YME1L1: variants seen among roughly 807,000 people sequenced by gnomAD.
The protein encoded by YME1L1 is ATP-dependent zinc metalloprotease YME1L1.
A neutral mutation model predicts 90.4 loss-of-function variants in YME1L1; 39 were observed. The observed-to-expected ratio is 0.43, with a 90% CI of 0.33 to 0.56. The LOEUF (loss-of-function observed/expected upper bound fraction) is 0.56. Ranked by LOEUF, YME1L1 falls within the 20% of genes least tolerant of loss-of-function variation. The probability of loss-of-function intolerance (pLI) is 0.03; values close to 1 mark genes in which losing one functional copy is unlikely to be tolerated. For synonymous variants in YME1L1, 284 were observed against 287.3 expected (o/e 0.99, Z 0.12); for missense variants, 617 against 868.4 (o/e 0.71, Z 3.64).
intron 1 of YME1L1, among the ~76,000 whole-genome samples, chr10:27,150,489 G>C (rs2057199341): frequency 6.6e-6 from 1 of 152,170 alleles, no homozygotes. Flanking sequence ...ATGAGATAGG[G>C]TGTGGGCACA....
chr10:27,127,745 G>A (rs2056935444), intron 8 of YME1L1, among the ~76,000 whole-genome samples: 1 of 152,056 alleles, frequency 6.6e-6, no homozygotes, highest in Non-Finnish European at 1.5e-5. Flanking sequence ...GGAGGTTCTG[G>A]GCTTCTGCTA....
chr10:27,147,945 A>C (rs1357868684), intron 2 of YME1L1, among the ~76,000 whole-genome samples: 1 of 152,098 alleles, frequency 6.6e-6, no homozygotes, highest in African/African-American at 2.4e-5. Context: ...CCCTGGCATG[A>C]CATCACAGCA....
intron 2 of YME1L1, chr10:27,147,460 T>G (rs756068108): frequency 1.9e-6 from 3 of 1,614,098 alleles, no homozygotes; most frequent in Non-Finnish European, 2.5e-6. Flanking sequence ...ACAAAACAAA[T>G]CATAGACAAT....
intron 9 of YME1L1, among the ~76,000 whole-genome samples, chr10:27,125,549 C>A (rs190543462): frequency 2.3e-4 from 35 of 150,234 alleles, no homozygotes; most frequent in Admixed American, 2.3e-3. Flanking sequence ...GGGATCAGGG[C>A]AACACTACAA....
rs1338191290 is a variant in YME1L1 at position 27,111,900 on chromosome 10, C to T, written c.*77G>A. 9.8e-6 allele frequency: 15 copies of T among 1,526,470 alleles called. No individual in the cohort carries two copies. Among genetic ancestry groups the T allele is most frequent in the African/African-American group, 2.7e-5 (2 of 73,138 alleles). The allele number at this position is 1,526,470 out of a possible 1,614,324, so 94.6% of individuals were successfully genotyped here. On this transcript the variant is annotated 3_prime_UTR_variant, in exon 19 of 19. Coordinates refer to ENST00000376016, the MANE Select transcript of YME1L1 (RefSeq NM_014263.4). Reference sequence around the variant, plus strand: ...CACCACATCAAGAATGAGGGGAAAGCGTTGTAAAAGTAGACTACTGCAATG... The same window carrying T: ...CACCACATCAAGAATGAGGGGAAAGTGTTGTAAAAGTAGACTACTGCAATG...
intron 3 of YME1L1, among the ~76,000 whole-genome samples, chr10:27,143,186 A>G (rs78678380): frequency 0.082 from 12,273 of 150,284 alleles, 698 homozygotes; most frequent in East Asian, 0.29. Context: ...CCTGAGCAAC[A>G]TGGAGAAACC....
chr10:27,125,447 T>C (rs1300265785), intron 9 of YME1L1, among the ~76,000 whole-genome samples: 1 of 133,416 alleles, frequency 7.5e-6, no homozygotes, highest in Non-Finnish European at 1.6e-5. Flanking sequence ...AATTGTTTCA[T>C]TGTTTCATTT....
intron 4 of YME1L1, among the ~76,000 whole-genome samples, chr10:27,138,953 T>C (rs554158247): frequency 1.3e-5 from 2 of 152,304 alleles, no homozygotes; most frequent in South Asian, 4.1e-4. Context: ...TTAAAATATA[T>C]CATGTCTTTT....
At chr10:27,131,643 T>TAC (rs1228378107) in intron 8 of YME1L1, among the ~76,000 whole-genome samples, 7 of 152,246 alleles carry the variant, frequency 4.6e-5, no homozygotes, top group African/African-American at 1.7e-4. Context: ...TTCACTCCAC[T>TAC]ACACCAGGCT....
chr10:27,123,631 C>T lies in YME1L1; in HGVS notation c.1018G>A (p.Asp340Asn). The T allele has an allele frequency of 6.2e-7, 1 of 1,613,904 alleles. No homozygotes were observed. Among genetic ancestry groups the T allele is most frequent in the Non-Finnish European group, 8.5e-7 (1 of 1,179,906 alleles). The stretch of plus-strand genomic sequence containing the variant: ...CCAGAAGCATAATAAAAAGGAACAT[C>T]AGCTTCTCCCGCCACAGCTCGGGCA... ...LLARAVAGEA[D>N]VPFYYASGSE... Residue 340 changes from aspartate (D) to asparagine (N), a missense_variant, in exon 10 of 19, where the codon GAT becomes AAT. Transcript: ENST00000376016.
At chr10:27,132,819 C>CA (rs1187612183) in intron 7 of YME1L1, among the ~76,000 whole-genome samples, 5 of 150,580 alleles carry the variant, frequency 3.3e-5, no homozygotes, top group South Asian at 4.2e-4. Context: ...GACTCCATCT[C>CA]AAAAAAAATA....
intron 12 of YME1L1, 89 bp downstream of exon 12, chr10:27,121,297 T>G: frequency 1.1e-6 from 1 of 892,328 alleles, no homozygotes; most frequent in South Asian, 1.3e-5. Context: ...AATCATACAG[T>G]GTTGATGTGA....
intron 11 of YME1L1, among the ~76,000 whole-genome samples, chr10:27,121,980 C>T (rs2056872576): frequency 1.3e-5 from 2 of 152,110 alleles, no homozygotes; most frequent in South Asian, 4.1e-4. Flanking sequence ...AAGCAATACA[C>T]CCGCCTCAGC....
At position 27,121,378 on chromosome 10, in the gene YME1L1, A is replaced by C. The variant is rs755100948; in HGVS notation, c.1298+8T>G. 2 of 1,595,324 alleles carry C rather than the reference A, an allele frequency of 1.3e-6. No individual in the cohort carries two copies. The highest frequency in any genetic ancestry group is 1.7e-5 in the Admixed American group (1 of 59,944). ...AGTACTTCACAAAAATCTTCTTTTA[A>C]TACTTACTTATCTAATGCCTCTGGG... On this transcript the variant is annotated splice_region_variant and intron_variant, in intron 12 of 18. Coordinates refer to ENST00000376016, the MANE Select transcript of YME1L1 (RefSeq NM_014263.4).
intron 15 of YME1L1, 106 bp from the exon 16 acceptor site, chr10:27,116,451 G>A: frequency 8.6e-6 from 11 of 1,280,972 alleles, no homozygotes; most frequent in Non-Finnish European, 1.2e-5. Context: ...TGGATCACCT[G>A]AGGTTGGGAG....
chr10:27,123,032 C>T lies in YME1L1; in HGVS notation c.1103-59G>A, dbSNP rs137962650. On this transcript the variant is annotated intron_variant, in intron 10 of 18. Transcript: ENST00000376016. ...AGAAAGTCAACACTTTTGAACAAAA[C>T]GAGATAAATATTAAAATCCTATACA... 2.4e-4 allele frequency: 378 copies of T among 1,558,934 alleles called. 2 individuals carry two copies. The African/African-American group carries it at 4.1e-3, about 17-fold the overall frequency.
chr10:27,112,684 T>A (rs2056770171), intron 18 of YME1L1, among the ~76,000 whole-genome samples: 1 of 152,114 alleles, frequency 6.6e-6, no homozygotes, highest in Non-Finnish European at 1.5e-5. Context: ...ACTAAAGACT[T>A]TGGCACTCAG....
intron 2 of YME1L1, chr10:27,146,845 T>C (rs2057149458): frequency 6.5e-6 from 1 of 154,640 alleles, no homozygotes; most frequent in Non-Finnish European, 1.4e-5. Context: ...TTCTCAATAC[T>C]AACATAACTA....
At chr10:27,136,618 A>G (rs1477152559) in intron 4 of YME1L1, among the ~76,000 whole-genome samples, 1 of 152,052 alleles carries the variant, frequency 6.6e-6, no homozygotes, top group African/African-American at 2.4e-5. Context: ...CAGCCTCCCA[A>G]AGAGCTGGGA....
Sources: allele counts gnomAD v4.1 joint callset (sites outside exome capture counted in the v4.1 genomes callset), GRCh38; gene constraint gnomAD v4.1.1; transcripts MANE v1.5; gene names NCBI Gene and HGNC (gene_info 2026-07-23, HGNC 2026-07-21).